Variants in NFATC4 observed in about 807,000 individuals in gnomAD.
NFATC4 encodes the protein nuclear factor of activated T-cells, cytoplasmic 4.
A neutral mutation model predicts 73.4 loss-of-function variants in NFATC4; 25 were observed. The observed-to-expected ratio is 0.34, with a 90% CI of 0.25 to 0.48. NFATC4 has a LOEUF of 0.48. Among genes scored for constraint, NFATC4 ranks in the 20% least tolerant of loss-of-function variants. The pLI is 0.99. For synonymous variants in NFATC4, 523 were observed against 510.3 expected (o/e 1.02, Z -0.34); for missense variants, 1,130 against 1,203.7 (o/e 0.94, Z 0.91).
chr14:24,368,618 T>G (rs2042371837), intron 1 of NFATC4, among the ~76,000 whole-genome samples, 178 bp downstream of exon 1: 1 of 134,020 alleles, frequency 7.5e-6, no homozygotes, highest in Non-Finnish European at 1.6e-5. Context: ...CACCACTTTC[T>G]CCTTTTTAGG....
At position 24,370,034 on chromosome 14, in the gene NFATC4, C is replaced by T; in HGVS notation, c.636C>T (p.Gly212=). ...LNEAASRFGL[G]SPLPSPRASP... The stretch of plus-strand genomic sequence containing the variant: ...AGGCGGCCTCCCGCTTTGGCCTGGG[C>T]TCCCCGCTGCCCTCGCCCCGGGCCT... The change falls in exon 2 of 10, where the codon GGC becomes GGT. Residue 212 remains glycine (G), a synonymous_variant. Transcript: ENST00000250373. 2 of 1,610,980 alleles carry T rather than the reference C, an allele frequency of 1.2e-6. No individual in the cohort carries two copies. Among genetic ancestry groups the T allele is most frequent in the South Asian group, 2.2e-5 (2 of 91,082 alleles).
Position 24,369,647 on chromosome 14 carries a change from C to T in NFATC4, c.249C>T (p.Gly83=). 1.2e-6 allele frequency: 2 copies of T among 1,613,152 alleles called. No homozygotes were observed. Among genetic ancestry groups the T allele is most frequent in the South Asian group, 1.1e-5 (1 of 91,046 alleles). The change falls in exon 2 of 10, where the codon GGC becomes GGT. Residue 83 remains glycine (G), a synonymous_variant. Coordinates refer to ENST00000250373, the MANE Select transcript of NFATC4 (RefSeq NM_004554.5). The stretch of plus-strand genomic sequence containing the variant: ...CGCCGCGACCAGCCCCCTCACCTGG[C>T]ACCTGGGAGAGCCAGCCCGCCAGGT... ...SPPPRPAPSP[G]TWESQPARSV... is the part of the protein sequence containing the mutation.
In NFATC4 at chr14:24,373,108, G is replaced by A; in HGVS notation, c.1360-63G>A. ...CATCCCATGGTAGACTGAAAATCTAGGGATGAATAAAGGATGAGACGGTGG... is the reference window on the plus strand; with the variant it reads ...CATCCCATGGTAGACTGAAAATCTAAGGATGAATAAAGGATGAGACGGTGG... On this transcript the variant is annotated intron_variant, in intron 3 of 9. Transcript: ENST00000250373. This position sits in a 1 kb window ranked among gnomAD's most constrained non-coding sequence, Gnocchi z 4.7. 4 of 1,514,330 alleles carry A rather than the reference G, an allele frequency of 2.6e-6. No individual in the cohort carries two copies. The highest frequency in any genetic ancestry group is 2.7e-6 in the Non-Finnish European group (3 of 1,097,258). The allele number at this position is 1,514,330 out of a possible 1,614,324, so 93.8% of individuals were successfully genotyped here.
chr14:24,366,917 G>T (rs531024085), upstream of NFATC4: 10 of 1,513,460 alleles, frequency 6.6e-6, no homozygotes, highest in Admixed American at 2.3e-5. Context: ...GTTTGTAAAC[G>T]TCTGACCTGG....
rs2229310 is a variant in NFATC4 at position 24,370,550 on chromosome 14, C to T, written c.1152C>T (p.Leu384=). The part of the protein sequence containing the change: ...GMDYLAVPSP[L]AWSKARIGGH... ...ACTACCTGGCAGTGCCCTCCCCACTCGCTTGGTCCAAGGCCCGGATTGGGG... is the reference window on the plus strand; with the variant it reads ...ACTACCTGGCAGTGCCCTCCCCACTTGCTTGGTCCAAGGCCCGGATTGGGG... Residue 384 remains leucine, a synonymous_variant, in exon 2 of 10, where the codon CTC becomes CTT. Coordinates refer to ENST00000250373, the MANE Select transcript of NFATC4 (RefSeq NM_004554.5). The T allele has an allele frequency of 2.0e-3, 3,239 of 1,613,588 alleles. 36 individuals carry two copies. Among genetic ancestry groups the T allele is most frequent in the African/African-American group, 0.018 (1,345 of 75,034 alleles).
chr14:24,373,508 T>C lies in NFATC4; in HGVS notation c.1559+138T>C. On this transcript the variant is annotated intron_variant, in intron 4 of 9. Transcript: ENST00000250373. The surrounding 1 kb of genome is among the most constrained non-coding windows in gnomAD (Gnocchi z 4.7). Reference sequence around the variant, plus strand: ...GAGCTGGCTTCAGGCCTACCCACCATCTGGAAGAGGACTTTTGGGGTTGGG... The same window carrying C: ...GAGCTGGCTTCAGGCCTACCCACCACCTGGAAGAGGACTTTTGGGGTTGGG... The C allele has an allele frequency of 7.3e-7, 1 of 1,362,466 alleles. No individual in the cohort carries two copies. The highest frequency in any genetic ancestry group is 1.4e-5 in the South Asian group (1 of 72,092). The allele number at this position is 1,362,466 out of a possible 1,614,324, so 84.4% of individuals were successfully genotyped here.
Position 24,377,857 on chromosome 14 carries a change from C to A in NFATC4, c.*152C>A, listed in dbSNP as rs56006071. 70 of 1,438,334 alleles carry A rather than the reference C, an allele frequency of 4.9e-5. 1 individual carries two copies. The East Asian group carries it at 1.6e-3, about 33-fold the overall frequency. The allele number at this position is 1,438,334 out of a possible 1,614,324, so 89.1% of individuals were successfully genotyped here. A position where few individuals can be genotyped will look rare whatever the true frequency, so the allele number is the denominator to read the frequency against. On this transcript the variant is annotated 3_prime_UTR_variant, in exon 10 of 10. Transcript: ENST00000250373. The surrounding 1 kb of genome is among the most constrained non-coding windows in gnomAD (Gnocchi z 4.2). Reference sequence around the variant, plus strand: ...TCTGTCTCACTGTCTTCCCTCCCCTCCCCCAGCTGAGGTGTGGCCCTCAGG... The same window carrying A: ...TCTGTCTCACTGTCTTCCCTCCCCTACCCCAGCTGAGGTGTGGCCCTCAGG...
In NFATC4 at chr14:24,377,473, T is replaced by G; in HGVS notation, c.2642-165T>G. 1 of 1,446,686 alleles carries G rather than the reference T, an allele frequency of 6.9e-7. No individual in the cohort carries two copies. The highest frequency in any genetic ancestry group is 9.1e-7 in the Non-Finnish European group (1 of 1,103,032). The allele number at this position is 1,446,686 out of a possible 1,614,324, so 89.6% of individuals were successfully genotyped here. A position where few individuals can be genotyped will look rare whatever the true frequency, so the allele number is the denominator to read the frequency against. ...GGCAAGATTTGATTCGGAGCAGGTG[T>G]CAAGACGTGTTGGGGAAACTGAGGC... On this transcript the variant is annotated intron_variant, in intron 9 of 9. Transcript: ENST00000250373. This position sits in a 1 kb window ranked among gnomAD's most constrained non-coding sequence, Gnocchi z 4.2.
At position 24,369,625 on chromosome 14, in the gene NFATC4, C is replaced by A. The variant is rs2042410851; in HGVS notation, c.227C>A (p.Pro76Gln). 1.9e-6 allele frequency: 3 copies of A among 1,613,252 alleles called. No homozygotes were observed. The East Asian group carries it at 6.7e-5, about 36-fold the overall frequency. The change falls in exon 2 of 10, where the codon CCG becomes CAG. Residue 76 changes from proline (P) to glutamine (Q), a missense_variant. Physicochemically the swap from Pro to Gln is moderately conservative, Grantham distance 76. Transcript: ENST00000250373. ...PPRPGMHSPP[P>Q]RPAPSPGTWE... ...CGGCCTGGCATGCATTCGCCACCGC[C>A]GCGACCAGCCCCCTCACCTGGCACC...
chr14:24,374,910 G>C (rs909431108), intron 6 of NFATC4, among the ~76,000 whole-genome samples: 4 of 152,094 alleles, frequency 2.6e-5, no homozygotes, highest in African/African-American at 9.7e-5. Flanking sequence ...GCACCAACCT[G>C]AGGCCTTTGC....
chr14:24,377,605 T>C lies in NFATC4; in HGVS notation c.2642-33T>C. The C allele has an allele frequency of 6.2e-7, 1 of 1,614,074 alleles. No homozygotes were observed. Among genetic ancestry groups the C allele is most frequent in the Non-Finnish European group, 8.5e-7 (1 of 1,180,004 alleles). ...TTTGGAAAAGGAGGGGACCCACCTC[T>C]AGCCCAGTCTCTCAACTGCCCCTCC... On this transcript the variant is annotated intron_variant, in intron 9 of 9. Transcript: ENST00000250373. The surrounding 1 kb of genome is among the most constrained non-coding windows in gnomAD (Gnocchi z 4.2).
At chr14:24,367,625 T>C, upstream of NFATC4, 1 of 1,536,102 alleles carries the variant, frequency 6.5e-7, no homozygotes, top group Non-Finnish European at 8.7e-7. Flanking sequence ...CGCAAAGACT[T>C]CCAGAAGGCC....
upstream of NFATC4, chr14:24,367,969 T>A: frequency 2.7e-5 from 31 of 1,156,890 alleles, no homozygotes; most frequent in Non-Finnish European, 3.2e-5. Flanking sequence ...AGTATCACTC[T>A]TGAAGGACCG....
intron 6 of NFATC4, 35 bp from the exon 7 acceptor site, chr14:24,375,625 G>C: frequency 6.4e-7 from 1 of 1,550,840 alleles, no homozygotes; most frequent in Non-Finnish European, 8.7e-7. Context: ...AGGGGCGCTG[G>C]AGTTGGGCTG....
chr14:24,367,549 C>T, upstream of NFATC4: 1 of 1,536,100 alleles, frequency 6.5e-7, no homozygotes, highest in Non-Finnish European at 8.7e-7. Context: ...GGCATCCAGG[C>T]TGGCTAAGCG....
chr14:24,368,955 C>G lies in NFATC4; in HGVS notation c.100+515C>G, dbSNP rs372633685. ...ACGAATCCGCGCTGCCCGCTGCCCC[C>G]CTTCCCCCGGCTGGGCCCAGCACGC... On this transcript the variant is annotated intron_variant, in intron 1 of 9. Coordinates refer to ENST00000250373, the MANE Select transcript of NFATC4 (RefSeq NM_004554.5). 4.5e-5 allele frequency: 39 copies of G among 874,874 alleles called. No homozygotes were observed. The East Asian group carries it at 6.0e-4, about 14-fold the overall frequency. 54.2% of individuals were successfully genotyped at this position (874,874 alleles called of 1,614,324 possible). A position where few individuals can be genotyped will look rare whatever the true frequency, so the allele number is the denominator to read the frequency against.
At position 24,373,104 on chromosome 14, in the gene NFATC4, T is replaced by C. The variant is rs56406038; in HGVS notation, c.1360-67T>C. On this transcript the variant is annotated intron_variant, in intron 3 of 9. Transcript: ENST00000250373. This position sits in a 1 kb window ranked among gnomAD's most constrained non-coding sequence, Gnocchi z 4.7. ...TTCCCATCCCATGGTAGACTGAAAA[T>C]CTAGGGATGAATAAAGGATGAGACG... 279 of 1,497,940 alleles carry C rather than the reference T, an allele frequency of 1.9e-4. 1 individual carries two copies. In the African/African-American group the frequency reaches 2.2e-3, roughly 12 times the overall value. The allele number at this position is 1,497,940 out of a possible 1,614,324, so 92.8% of individuals were successfully genotyped here. A position where few individuals can be genotyped will look rare whatever the true frequency, so the allele number is the denominator to read the frequency against.
chr14:24,374,397 G>A lies in NFATC4; in HGVS notation c.1804G>A (p.Glu602Lys), dbSNP rs148475720. 1,689 of 1,614,052 alleles carry A rather than the reference G, an allele frequency of 1.0e-3. 3 individuals are homozygous for A. Among genetic ancestry groups the A allele is most frequent in the African/African-American group, 6.1e-3 (458 of 75,040 alleles). The change falls in exon 6 of 10, where the codon GAG becomes AAG. Residue 602 changes from glutamate (E) to lysine (K), a missense_variant. Around this residue, in one of 3 missense-constraint regions of NFATC4, gnomAD observed 390 missense variants for 408.1 expected, o/e 0.96. Transcript: ENST00000250373. ...CAGTGCCTGCTCTGTGAGAGGAGGCGAGGAACTGGTACTGACTGGCTCCAA... is the reference window on the plus strand; with the variant it reads ...CAGTGCCTGCTCTGTGAGAGGAGGCAAGGAACTGGTACTGACTGGCTCCAA... ...SPSACSVRGG[E>K]ELVLTGSNFL... is the part of the protein sequence containing the mutation.
At chr14:24,367,300 C>G (rs1266963909), upstream of NFATC4, 4 of 1,556,766 alleles carry the variant, frequency 2.6e-6, no homozygotes, top group South Asian at 3.5e-5. Context: ...GTTTCAGGCC[C>G]CTAGTAAACC....
Sources: allele counts gnomAD v4.1 joint callset (sites outside exome capture counted in the v4.1 genomes callset), GRCh38; gene constraint gnomAD v4.1.1; regional missense constraint gnomAD v4.1.1; non-coding constraint Gnocchi (gnomAD v3.1); transcripts MANE v1.5; gene names NCBI Gene and HGNC (gene_info 2026-07-23, HGNC 2026-07-21).